The following CRISP1 variants were observed in gnomAD, a reference collection of about 807,000 sequenced individuals.
CRISP1 encodes the protein cysteine rich secretory protein 1.
Under a neutral mutation model 33.1 loss-of-function variants are expected in CRISP1, and 44 were observed. The ratio of observed to expected loss-of-function variants is 1.33; its 90% CI spans 1.05 to 1.71. The LOEUF (loss-of-function observed/expected upper bound fraction) is 1.71. Among genes scored for constraint, CRISP1 ranks in the 40% most tolerant of loss-of-function variants. The probability of loss-of-function intolerance (pLI) is 0.00; values close to 1 mark genes in which losing one functional copy is unlikely to be tolerated. For missense variants in CRISP1, 390 were observed against 301.2 expected, an observed-to-expected ratio of 1.29 and a Z score of -2.18; for synonymous variants, 103 against 98.7, an observed-to-expected ratio of 1.04 and a Z score of -0.26.
chr6:49,855,592 CTAAT>C (rs1327664909), intron 2 of CRISP1, among the ~76,000 whole-genome samples: 3 of 152,138 alleles, frequency 2.0e-5, no homozygotes, highest in African/African-American at 4.8e-5. Flanking sequence ...AGATAAGTCT[CTAAT>C]TAACTCAGAG....
chr6:49,836,340 A>ATT (rs556684394), intron 7 of CRISP1, among the ~76,000 whole-genome samples: 263 of 143,022 alleles, frequency 1.8e-3, no homozygotes, highest in African/African-American at 3.4e-3. Flanking sequence ...TTTTTATTTT[A>ATT]TTTTTTTTTT....
chr6:49,845,078 T>A (rs12211947), intron 5 of CRISP1, among the ~76,000 whole-genome samples: 14,730 of 152,212 alleles, frequency 0.097, 995 homozygotes, highest in Non-Finnish European at 0.15. Context: ...ATGAGCTGAA[T>A]TCTTCCCCCA....
intron 1 of CRISP1, among the ~76,000 whole-genome samples, chr6:49,872,183 C>G (rs566988686): frequency 1.3e-5 from 2 of 152,254 alleles, no homozygotes; most frequent in South Asian, 2.1e-4. Context: ...TGTCTTTGGG[C>G]TGCATAAATG....
chr6:49,844,751 G>A (rs185205917), intron 5 of CRISP1, among the ~76,000 whole-genome samples: 12 of 152,284 alleles, frequency 7.9e-5, no homozygotes, highest in African/African-American at 2.4e-4. Context: ...ATTTGCCTGG[G>A]ACCCATTGCT....
At chr6:49,859,581 T>C (rs777969383) in intron 1 of CRISP1, among the ~76,000 whole-genome samples, 1 of 152,118 alleles carries the variant, frequency 6.6e-6, no homozygotes, top group South Asian at 2.1e-4. Context: ...TGAAAAGATA[T>C]CTACCATCAT....
intron 4 of CRISP1, 32 bp downstream of exon 4, chr6:49,848,177 T>TTTGA: frequency 8.1e-7 from 1 of 1,237,168 alleles, no homozygotes; most frequent in Non-Finnish European, 1.1e-6. Context: ...TTTTTTTTAG[T>TTTGA]CCAAAGGCGG....
At chr6:49,871,673 G>A (rs1457063535) in intron 1 of CRISP1, among the ~76,000 whole-genome samples, 1 of 150,944 alleles carries the variant, frequency 6.6e-6, no homozygotes, top group African/African-American at 2.4e-5. Flanking sequence ...CCTTGTGATA[G>A]TTTGCTGAGA....
intron 1 of CRISP1, 148 bp downstream of exon 1, chr6:49,866,281 G>A (rs922406256): frequency 6.6e-6 from 1 of 152,078 alleles, no homozygotes; most frequent in African/African-American, 2.4e-5. Flanking sequence ...AAAGCATGGA[G>A]ATAACTAACA....
intron 1 of CRISP1, among the ~76,000 whole-genome samples, chr6:49,861,669 A>C (rs913373288): frequency 3.3e-5 from 5 of 152,160 alleles, no homozygotes; most frequent in African/African-American, 2.4e-5. Context: ...AAATCACTTG[A>C]GGTCATGAAT....
intron 1 of CRISP1, among the ~76,000 whole-genome samples, chr6:49,873,365 A>T (rs1396916555): frequency 6.6e-6 from 1 of 152,038 alleles, no homozygotes; most frequent in Non-Finnish European, 1.5e-5. Context: ...TTAAAACTAA[A>T]TGCCATTTAA....
At chr6:49,858,275 G>C (rs1582277731) in intron 1 of CRISP1, among the ~76,000 whole-genome samples, 1 of 152,048 alleles carries the variant, frequency 6.6e-6, no homozygotes, top group African/African-American at 2.4e-5. Flanking sequence ...GCTAACTCTA[G>C]GATATTAATA....
exon 1 of CRISP1, chr6:49,877,026 A>C (rs913468387): frequency 6.6e-6 from 1 of 151,926 alleles, no homozygotes; most frequent in African/African-American, 2.4e-5. Context: ...TGTACCATTG[A>C]AGTTAAAATA....
At chr6:49,841,843 G>T (rs1448236122) in intron 5 of CRISP1, among the ~76,000 whole-genome samples, 1 of 152,118 alleles carries the variant, frequency 6.6e-6, no homozygotes, top group Non-Finnish European at 1.5e-5. Flanking sequence ...TTTCTCAGCT[G>T]TAAAATGGGA....
At chr6:49,845,408 G>A (rs1561941495) in intron 5 of CRISP1, among the ~76,000 whole-genome samples, 1 of 152,062 alleles carries the variant, frequency 6.6e-6, no homozygotes, top group Admixed American at 6.6e-5. Context: ...ACAAAATGTG[G>A]GAAAATAAAG....
chr6:49,860,267 G>A (rs1425089194), intron 1 of CRISP1, among the ~76,000 whole-genome samples: 1 of 152,064 alleles, frequency 6.6e-6, no homozygotes. Flanking sequence ...TAAACCAAAC[G>A]AACCTAACAG....
At chr6:49,876,915 G>C (rs1772048676) in intron 1 of CRISP1, 1 of 151,972 alleles carries the variant, frequency 6.6e-6, no homozygotes, top group African/African-American at 2.4e-5. Context: ...AGAGCATCAG[G>C]AAGAATAGCC....
chr6:49,841,866 G>A (rs932133476), intron 5 of CRISP1, among the ~76,000 whole-genome samples: 5 of 152,112 alleles, frequency 3.3e-5, no homozygotes, highest in Admixed American at 6.6e-5. Flanking sequence ...CAACAACGCT[G>A]TCCTCTACAT....
chr6:49,853,357 C>G (rs1218366471), intron 2 of CRISP1, among the ~76,000 whole-genome samples: 3 of 152,170 alleles, frequency 2.0e-5, no homozygotes, highest in African/African-American at 4.8e-5. Flanking sequence ...CTTACTTCCT[C>G]TCATTCCTGG....
intron 4 of CRISP1, among the ~76,000 whole-genome samples, chr6:49,847,073 G>A (rs1012296454): frequency 6.6e-6 from 1 of 152,118 alleles, no homozygotes. Context: ...TTCATGTATG[G>A]TGTGGGCTTT....
Sources: allele counts gnomAD v4.1 joint callset (sites outside exome capture counted in the v4.1 genomes callset), GRCh38; gene constraint gnomAD v4.1.1; transcripts MANE v1.5; gene names NCBI Gene and HGNC (gene_info 2026-07-23, HGNC 2026-07-21).